GPC6: variants seen among roughly 807,000 people sequenced by gnomAD.
GPC6 encodes glypican-6.
A neutral mutation model predicts 55.2 loss-of-function variants in GPC6; 14 were observed. The ratio of observed to expected loss-of-function variants is 0.25; its 90% CI spans 0.17 to 0.40. The LOEUF is 0.40. Ranked by LOEUF, GPC6 falls within the 10% of genes least tolerant of loss-of-function variation. GPC6 has a pLI of 1.00. For synonymous variants in GPC6, 278 were observed against 259.6 expected (o/e 1.07, Z -0.68); for missense variants, 641 against 708.5 (o/e 0.90, Z 1.08).
intron 5 of GPC6, among the ~76,000 whole-genome samples, chr13:94,290,429 T>TAAA (rs532958421): frequency 2.0e-5 from 2 of 99,042 alleles, no homozygotes; most frequent in African/African-American, 3.8e-5. Flanking sequence ...TCTAGAAAGG[T>TAAA]AAAAAAAAAA....
chr13:93,865,114 GT>G (rs1193811735), intron 3 of GPC6, among the ~76,000 whole-genome samples: 2 of 151,612 alleles, frequency 1.3e-5, no homozygotes, highest in African/African-American at 4.8e-5. Flanking sequence ...TCAGGGAGAT[GT>G]TTTAGAAGAT....
At chr13:93,784,135 CAAG>C (rs1417973705) in intron 2 of GPC6, among the ~76,000 whole-genome samples, 4 of 152,016 alleles carry the variant, frequency 2.6e-5, no homozygotes, top group African/African-American at 4.8e-5. Flanking sequence ...TTAATGAAAT[CAAG>C]AAGAGATAAT....
rs187975302 is a variant in GPC6, at chr13:93,302,481, T to C, written c.160+74865T>C. On this transcript the variant is annotated intron_variant, in intron 1 of 8. Transcript: ENST00000377047. ...CAGTGGACAGTATGCAGCAATGTCA[T>C]TTAAATAATGAAATGTTGGCATTGT... 5.0e-3 allele frequency among the ~76,000 whole-genome samples: 756 copies of C among 152,342 alleles called. 2 individuals are homozygous for C. Among genetic ancestry groups the C allele is most frequent in the South Asian group, 0.022 (104 of 4,830 alleles).
chr13:93,741,064 T>C (rs761224554), intron 2 of GPC6, among the ~76,000 whole-genome samples: 35 of 151,714 alleles, frequency 2.3e-4, no homozygotes, highest in Non-Finnish European at 2.1e-4. Context: ...ATCACAAAGT[T>C]AGTTTTTCTA....
At chr13:93,273,784 C>T (rs1160633139) in intron 1 of GPC6, among the ~76,000 whole-genome samples, 1 of 151,976 alleles carries the variant, frequency 6.6e-6, no homozygotes, top group African/African-American at 2.4e-5. Flanking sequence ...TGATTGATTG[C>T]CTCATTTTTA....
At chr13:93,681,696 C>A (rs1457287798) in intron 2 of GPC6, among the ~76,000 whole-genome samples, 1 of 152,046 alleles carries the variant, frequency 6.6e-6, no homozygotes, top group Non-Finnish European at 1.5e-5. Context: ...GGAAGCAATC[C>A]ATTTAAAATA....
chr13:93,223,144 G>A (rs1051553991), upstream of GPC6, among the ~76,000 whole-genome samples: 2 of 147,808 alleles, frequency 1.4e-5, no homozygotes, highest in African/African-American at 5.0e-5. Context: ...TGAGCACAAT[G>A]CCCCCTGACA....
At chr13:93,938,860 T>C (rs1311194220) in intron 3 of GPC6, among the ~76,000 whole-genome samples, 1 of 152,032 alleles carries the variant, frequency 6.6e-6, no homozygotes, top group African/African-American at 2.4e-5. Context: ...TCCCAGCACT[T>C]TGGGAGGCTG....
At chr13:93,949,161 A>C (rs1372618255) in intron 3 of GPC6, among the ~76,000 whole-genome samples, 3 of 152,208 alleles carry the variant, frequency 2.0e-5, no homozygotes, top group Non-Finnish European at 4.4e-5. Context: ...ATTAGTCCTT[A>C]ATATTTTTCA....
At position 93,636,635 on chromosome 13, in the gene GPC6, T is replaced by G. The variant is rs895410457; in HGVS notation, c.319+91214T>G. Among the ~76,000 whole-genome samples the G allele has an allele frequency of 2.0e-5, 3 of 152,274 alleles. No individual in the cohort carries two copies. In the East Asian group the frequency reaches 5.8e-4, roughly 29 times the overall value. Reference sequence around the variant, plus strand: ...TCCCAGCTCTCTTGTTCTTTCTGTCTGCCACAAAATTGATATTTCACAAAT... The same window carrying G: ...TCCCAGCTCTCTTGTTCTTTCTGTCGGCCACAAAATTGATATTTCACAAAT... On this transcript the variant is annotated intron_variant, in intron 2 of 8. Transcript: ENST00000377047.
chr13:94,113,351 T>TA (rs1317263892), intron 4 of GPC6, among the ~76,000 whole-genome samples: 1 of 152,094 alleles, frequency 6.6e-6, no homozygotes, highest in East Asian at 1.9e-4. Flanking sequence ...AAAGTTAAGT[T>TA]AATCATACTC....
intron 2 of GPC6, among the ~76,000 whole-genome samples, chr13:93,634,447 A>C (rs1879608617): frequency 6.6e-6 from 1 of 152,178 alleles, no homozygotes; most frequent in Non-Finnish European, 1.5e-5. Flanking sequence ...AGAACCATAA[A>C]TAAAGATTGT....
intron 4 of GPC6, among the ~76,000 whole-genome samples, chr13:94,137,865 A>C (rs61962317): frequency 0.21 from 32,274 of 152,180 alleles, 4,081 homozygotes; most frequent in Non-Finnish European, 0.29. Context: ...GGGCCACATC[A>C]GATTTTTAAT....
At chr13:93,257,252 A>G (rs550444611) in intron 1 of GPC6, among the ~76,000 whole-genome samples, 2 of 152,284 alleles carry the variant, frequency 1.3e-5, no homozygotes, top group South Asian at 2.1e-4. Context: ...GCAATAAGCT[A>G]TGATCATACC....
At chr13:93,746,697 A>G (rs1884411967) in intron 2 of GPC6, among the ~76,000 whole-genome samples, 2 of 152,180 alleles carry the variant, frequency 1.3e-5, no homozygotes, top group South Asian at 4.1e-4. Context: ...ATAGCATAGC[A>G]GCAATATGCA....
chr13:93,861,690 T>A (rs1049282827), intron 3 of GPC6, among the ~76,000 whole-genome samples: 2 of 151,642 alleles, frequency 1.3e-5, no homozygotes, highest in Non-Finnish European at 3.0e-5. Flanking sequence ...GTTGTCTCTT[T>A]AATTTCACAT....
chr13:93,525,618 AT>A (rs1881615757), intron 1 of GPC6, among the ~76,000 whole-genome samples: 1 of 151,992 alleles, frequency 6.6e-6, no homozygotes, highest in Non-Finnish European at 1.5e-5. Context: ...CTAATTTTTG[AT>A]TTGTTCAGGA....
At chr13:94,310,770 G>A (rs1215821316) in intron 6 of GPC6, among the ~76,000 whole-genome samples, 2 of 151,880 alleles carry the variant, frequency 1.3e-5, no homozygotes, top group Non-Finnish European at 1.5e-5. Context: ...TTTTCCAATG[G>A]CCAAGTTTTC....
At chr13:94,095,192 G>A (rs1010155399) in intron 4 of GPC6, among the ~76,000 whole-genome samples, 4 of 152,092 alleles carry the variant, frequency 2.6e-5, no homozygotes, top group Admixed American at 2.6e-4. Context: ...TATTTGGAAA[G>A]GAATGTATTT....
Sources: allele counts gnomAD v4.1 joint callset (sites outside exome capture counted in the v4.1 genomes callset), GRCh38; gene constraint gnomAD v4.1.1; transcripts MANE v1.5; gene names NCBI Gene and HGNC (gene_info 2026-07-23, HGNC 2026-07-21).